KCNIP4: variants seen among roughly 807,000 people sequenced by gnomAD.
KCNIP4 encodes the protein Kv channel-interacting protein 4.
Under a neutral mutation model 34.0 loss-of-function variants are expected in KCNIP4, and 12 were observed. The ratio of observed to expected loss-of-function variants is 0.35; its 90% confidence interval spans 0.23 to 0.57. KCNIP4 has a LOEUF of 0.57. Ranked by LOEUF, KCNIP4 falls within the 20% of genes least tolerant of loss-of-function variation. KCNIP4 has a pLI of 0.83. For synonymous variants in KCNIP4, 124 were observed against 102.2 expected, an observed-to-expected ratio of 1.21 and a Z score of -1.29; for missense variants, 238 against 311.7, an observed-to-expected ratio of 0.76 and a Z score of 1.78.
At chr4:21,103,705 G>A (rs1748182276) in intron 1 of KCNIP4, among the ~76,000 whole-genome samples, 1 of 150,678 alleles carries the variant, frequency 6.6e-6, no homozygotes, top group Non-Finnish European at 1.5e-5. Flanking sequence ...TTTAGCATTA[G>A]GTATATCTCC....
At chr4:21,143,869 GT>G (rs61492179) in intron 1 of KCNIP4, among the ~76,000 whole-genome samples, 61,622 of 148,376 alleles carry the variant, frequency 0.42, 12,824 homozygotes, top group Non-Finnish European at 0.45. Context: ...TGCCCAGCTA[GT>G]TTTTTTTTTT....
intron 1 of KCNIP4, among the ~76,000 whole-genome samples, chr4:21,092,747 C>G (rs1263993988): frequency 6.6e-6 from 1 of 152,172 alleles, no homozygotes; most frequent in African/African-American, 2.4e-5. Context: ...AATAAACAAA[C>G]AGCCAGGTGG....
intron 1 of KCNIP4, among the ~76,000 whole-genome samples, chr4:21,273,092 T>G (rs555113496): frequency 3.0e-4 from 46 of 152,300 alleles, no homozygotes; most frequent in African/African-American, 1.1e-3. Context: ...ACACTATTTA[T>G]TGTTATTCTT....
rs559601645 is a variant in KCNIP4 at position 21,740,647 on chromosome 4, G to T, written c.61+207924C>A. Among the ~76,000 whole-genome samples the T allele has an allele frequency of 2.0e-4, 31 of 152,088 alleles. No homozygotes were observed. In the South Asian group the frequency reaches 6.5e-3, roughly 32 times the overall value. Reference sequence around the variant, plus strand: ...ATAACATCACTTATTTCACTTATTTGGGAAATAACTTTGCTAAGTTTCCAT... The same window carrying T: ...ATAACATCACTTATTTCACTTATTTTGGAAATAACTTTGCTAAGTTTCCAT... On this transcript the variant is annotated intron_variant, in intron 1 of 8. Coordinates refer to ENST00000382152, the MANE Select transcript of KCNIP4 (RefSeq NM_025221.6).
chr4:21,180,483 A>G (rs1205461287), intron 1 of KCNIP4, among the ~76,000 whole-genome samples: 1 of 152,018 alleles, frequency 6.6e-6, no homozygotes, highest in Non-Finnish European at 1.5e-5. Context: ...ATAAGTAAAA[A>G]GTAAATAAAA....
intron 1 of KCNIP4, among the ~76,000 whole-genome samples, chr4:21,098,720 A>G (rs905915987): frequency 2.0e-5 from 3 of 152,122 alleles, no homozygotes; most frequent in African/African-American, 7.3e-5. Context: ...TAAGGAGATT[A>G]ATGTTGTTTT....
At chr4:21,550,663 A>C (rs1483971263) in intron 1 of KCNIP4, among the ~76,000 whole-genome samples, 1 of 152,082 alleles carries the variant, frequency 6.6e-6, no homozygotes, top group Non-Finnish European at 1.5e-5. Context: ...GGTACTCATA[A>C]ATTCCAAAGG....
In KCNIP4 at chr4:21,221,185, A is replaced by C. The variant is rs575332357; in HGVS notation, c.62-338476T>G. Among the ~76,000 whole-genome samples the C allele has an allele frequency of 5.9e-5, 9 of 152,218 alleles. No individual in the cohort carries two copies. In the South Asian group the frequency reaches 1.9e-3, roughly 32 times the overall value. The stretch of plus-strand genomic sequence containing the variant: ...TCTTTTATCCACTAGATTGAATGAA[A>C]ACTCCTCCAGTTTTTTTGAGGGCAG... On this transcript the variant is annotated intron_variant, in intron 1 of 8. Transcript: ENST00000382152.
At chr4:21,552,189 C>G (rs964035190) in intron 1 of KCNIP4, among the ~76,000 whole-genome samples, 2 of 151,944 alleles carry the variant, frequency 1.3e-5, no homozygotes, top group African/African-American at 4.8e-5. Flanking sequence ...TCAATATTTG[C>G]TTCCCCAGGT....
At chr4:21,810,366 C>T (rs1263730256) in intron 1 of KCNIP4, among the ~76,000 whole-genome samples, 1 of 152,106 alleles carries the variant, frequency 6.6e-6, no homozygotes, top group Admixed American at 6.5e-5. Flanking sequence ...CCAACCCTCC[C>T]ACCTTCTTTT....
chr4:21,310,062 C>T (rs1259905167), intron 1 of KCNIP4, among the ~76,000 whole-genome samples: 1 of 152,084 alleles, frequency 6.6e-6, no homozygotes, highest in Non-Finnish European at 1.5e-5. Flanking sequence ...CAAGGCCTTG[C>T]TTTTTCACCT....
chr4:21,865,062 A>G (rs889372306), intron 1 of KCNIP4, among the ~76,000 whole-genome samples: 1 of 152,020 alleles, frequency 6.6e-6, no homozygotes, highest in African/African-American at 2.4e-5. Flanking sequence ...CCAAGGAGCT[A>G]TAAGAGAATA....
chr4:21,293,360 A>G (rs980062651), intron 1 of KCNIP4, among the ~76,000 whole-genome samples: 1 of 152,164 alleles, frequency 6.6e-6, no homozygotes, highest in Admixed American at 6.5e-5. Context: ...TTTAAATGGT[A>G]AAGTCCATAC....
chr4:21,687,175 G>T (rs1481494543), intron 1 of KCNIP4, among the ~76,000 whole-genome samples: 1 of 110,434 alleles, frequency 9.1e-6, no homozygotes, highest in Non-Finnish European at 1.8e-5. Flanking sequence ...GTGGTGGGGT[G>T]GGGGGAGGGG....
Position 21,948,421 on chromosome 4 carries a change from C to T in KCNIP4, c.61+150G>A, listed in dbSNP as rs1485332093. 6.3e-6 allele frequency: 5 copies of T among 799,850 alleles called. No homozygotes were observed. The Admixed American group carries it at 1.3e-4, about 21-fold the overall frequency. 49.5% of individuals were successfully genotyped at this position (799,850 alleles called of 1,614,324 possible). ...TTGCACCCCATTCCTGCCGCTCCCA[C>T]CTCCCCTTCCCAGTCCCGCCAGGTG... On this transcript the variant is annotated intron_variant, in intron 1 of 8. Coordinates refer to ENST00000382152, the MANE Select transcript of KCNIP4 (RefSeq NM_025221.6).
At chr4:21,109,042 G>A (rs947434384) in intron 1 of KCNIP4, among the ~76,000 whole-genome samples, 5 of 152,106 alleles carry the variant, frequency 3.3e-5, no homozygotes, top group African/African-American at 1.2e-4. Flanking sequence ...CTGCTCGGGG[G>A]TCAGGGGTCA....
intron 1 of KCNIP4, among the ~76,000 whole-genome samples, chr4:21,266,957 T>G (rs1761850827): frequency 6.6e-6 from 1 of 152,206 alleles, no homozygotes; most frequent in Non-Finnish European, 1.5e-5. Context: ...GGTCTTGGGC[T>G]AGTCACGTAG....
intron 1 of KCNIP4, among the ~76,000 whole-genome samples, chr4:21,207,963 C>T (rs1191459412): frequency 6.6e-6 from 1 of 151,758 alleles, no homozygotes; most frequent in Non-Finnish European, 1.5e-5. Flanking sequence ...CCATCTCAGC[C>T]TCCCAAATAG....
At chr4:20,802,782 A>G (rs534010688) in intron 3 of KCNIP4, among the ~76,000 whole-genome samples, 1 of 152,344 alleles carries the variant, frequency 6.6e-6, no homozygotes, top group Admixed American at 6.5e-5. Flanking sequence ...AGAAATTTTA[A>G]AAATATCTTG....
Sources: allele counts gnomAD v4.1 joint callset (sites outside exome capture counted in the v4.1 genomes callset), GRCh38; gene constraint gnomAD v4.1.1; transcripts MANE v1.5; gene names NCBI Gene and HGNC (gene_info 2026-07-23, HGNC 2026-07-21).